The following PLEKHA3 variants were observed in gnomAD, a reference collection of about 807,000 sequenced individuals.
PLEKHA3 encodes pleckstrin homology domain-containing family A member 3.
In PLEKHA3, 19 loss-of-function variants were observed where a neutral mutation model predicts 39.2. The ratio of observed to expected loss-of-function variants is 0.48; its 90% CI spans 0.34 to 0.71. The LOEUF is 0.71. Among genes scored for constraint, PLEKHA3 ranks in the 30% least tolerant of loss-of-function variants. The probability of loss-of-function intolerance (pLI) is 0.01; values close to 1 mark genes in which losing one functional copy is unlikely to be tolerated. For synonymous variants in PLEKHA3, 97 were observed against 118.6 expected (o/e 0.82, Z 1.18); for missense variants, 253 against 359.5 (o/e 0.70, Z 2.40).
In PLEKHA3 at chr2:178,510,371, A is replaced by AT. The variant is rs1236525289; in HGVS notation, c.*6484_*6485insT. 2.0e-5 allele frequency: 3 copies of AT among 153,794 alleles called. No homozygotes were observed. Among genetic ancestry groups the AT allele is most frequent in the Non-Finnish European group, 2.9e-5 (2 of 68,046 alleles). 9.5% of individuals were successfully genotyped at this position (153,794 alleles called of 1,614,324 possible). On this transcript the variant is annotated 3_prime_UTR_variant, in exon 8 of 8. Coordinates refer to ENST00000234453, the MANE Select transcript of PLEKHA3 (RefSeq NM_019091.4). Reference sequence around the variant, plus strand: ...TTATCATATAAATATGAAGTATAGGAGATAAGATAATGCAGATGATGTTTG... The same window carrying AT: ...TTATCATATAAATATGAAGTATAGGATGATAAGATAATGCAGATGATGTTTG...
At chr2:178,495,448 C>G in intron 4 of PLEKHA3, 48 bp from the exon 5 acceptor site, 1 of 1,559,466 alleles carries the variant, frequency 6.4e-7, no homozygotes, top group South Asian at 1.1e-5. Flanking sequence ...GTATATGATT[C>G]CATGTAGTTG....
chr2:178,491,952 A>G (rs925428781), intron 3 of PLEKHA3, among the ~76,000 whole-genome samples: 1 of 152,150 alleles, frequency 6.6e-6, no homozygotes, highest in Non-Finnish European at 1.5e-5. Flanking sequence ...TCTAGTCCCA[A>G]GAGGTTGAGA....
chr2:178,485,898 C>T (rs1385997054), intron 2 of PLEKHA3, 141 bp downstream of exon 2: 12 of 576,238 alleles, frequency 2.1e-5, no homozygotes, highest in Non-Finnish European at 9.3e-6. Flanking sequence ...TCAGGAGTGG[C>T]ATTTCATCAC....
At chr2:178,501,025 G>A (rs1685521917) in intron 6 of PLEKHA3, 36 bp from the exon 7 acceptor site, 1 of 1,334,876 alleles carries the variant, frequency 7.5e-7, no homozygotes, top group Non-Finnish European at 1.1e-6. Context: ...GTTTATGTAA[G>A]GCCTTACAAT....
chr2:178,506,203 C>G lies in PLEKHA3; in HGVS notation c.*2316C>G, dbSNP rs1185100146. ...AGTTATTAGTAGTCCCTTTTTTTTGCTTTGTCTAGGTCATGGGGTTATTGA... is the reference window on the plus strand; with the variant it reads ...AGTTATTAGTAGTCCCTTTTTTTTGGTTTGTCTAGGTCATGGGGTTATTGA... On this transcript the variant is annotated 3_prime_UTR_variant, in exon 8 of 8. Coordinates refer to ENST00000234453, the MANE Select transcript of PLEKHA3 (RefSeq NM_019091.4). 1 of 151,004 alleles carries G rather than the reference C, an allele frequency of 6.6e-6. No individual in the cohort carries two copies. The highest frequency in any genetic ancestry group is 1.9e-4 in the East Asian group (1 of 5,156). 9.4% of individuals were successfully genotyped at this position (151,004 alleles called of 1,614,324 possible). A position where few individuals can be genotyped will look rare whatever the true frequency, so the allele number is the denominator to read the frequency against.
At chr2:178,502,640 T>G (rs1685542253) in intron 7 of PLEKHA3, among the ~76,000 whole-genome samples, 1 of 151,844 alleles carries the variant, frequency 6.6e-6, no homozygotes, top group Non-Finnish European at 1.5e-5. Flanking sequence ...AAATAATTTT[T>G]TTAAAGCCAT....
rs1208744475 is a variant in PLEKHA3, at chr2:178,506,844, GGGTAAATGAATGGTA to G, written c.*2962_*2976del. The G allele has an allele frequency of 6.6e-6, 1 of 152,044 alleles. No individual in the cohort carries two copies. The allele number at this position is 152,044 out of a possible 1,614,324, so 9.4% of individuals were successfully genotyped here. A position where few individuals can be genotyped will look rare whatever the true frequency, so the allele number is the denominator to read the frequency against. ...AGGTCTGTCTTTTAATAACCCTGGC[GGGTAAATGAATGGTA>G]GGTAGCTGGTAGGTAGGCCTTCTTG... On this transcript the variant is annotated 3_prime_UTR_variant, in exon 8 of 8. Transcript: ENST00000234453.
In PLEKHA3 at chr2:178,501,138, C is replaced by T. The variant is rs1685524103; in HGVS notation, c.737C>T (p.Thr246Ile). The T allele has an allele frequency of 6.2e-7, 1 of 1,613,258 alleles. No homozygotes were observed. The highest frequency in any genetic ancestry group is 1.1e-5 in the South Asian group (1 of 91,048). ...SQRRRRTYSDTDSCSDIPLED... is the reference protein window; with the variant it reads ...SQRRRRTYSDIDSCSDIPLED... ...CGACGCCGAAGAACCTACTCAGATA[C>T]AGATTCTTGTAGTGATATTCCTCTT... The change falls in exon 7 of 8, where the codon ACA (threonine) becomes ATA (isoleucine). Residue 246 changes from threonine to isoleucine, a missense_variant. Coordinates refer to ENST00000234453, the MANE Select transcript of PLEKHA3 (RefSeq NM_019091.4).
intron 3 of PLEKHA3, among the ~76,000 whole-genome samples, chr2:178,491,621 TTA>T (rs1685348617): frequency 6.6e-6 from 1 of 152,232 alleles, no homozygotes; most frequent in South Asian, 2.1e-4. Context: ...AGCAAATGAT[TTA>T]TGTTATTAGT....
At position 178,509,127 on chromosome 2, in the gene PLEKHA3, T is replaced by TTGTCGTC. The variant is rs1685645208; in HGVS notation, c.*5244_*5250dup. On this transcript the variant is annotated 3_prime_UTR_variant, in exon 8 of 8. Transcript: ENST00000234453. ...TAAACTTTGTTAAAATCTCATGGCT[T>TTGTCGTC]TGTCGTCTGTGCTTTTTTGTGGATT... 6.5e-6 allele frequency: 1 copy of TTGTCGTC among 153,090 alleles called. No homozygotes were observed. Among genetic ancestry groups the TTGTCGTC allele is most frequent in the Admixed American group, 6.5e-5 (1 of 15,300 alleles). The allele number at this position is 153,090 out of a possible 1,614,324, so 9.5% of individuals were successfully genotyped here. A position where few individuals can be genotyped will look rare whatever the true frequency, so the allele number is the denominator to read the frequency against.
intron 1 of PLEKHA3, chr2:178,481,842 TG>T (rs5836653): frequency 0.25 from 29,974 of 118,652 alleles, 3,832 homozygotes; most frequent in East Asian, 0.61. Context: ...ACAGATTTTT[TG>T]GGGGGGGGGG....
chr2:178,494,405 C>G (rs1445706565), intron 4 of PLEKHA3, among the ~76,000 whole-genome samples: 1 of 152,184 alleles, frequency 6.6e-6, no homozygotes, highest in Non-Finnish European at 1.5e-5. Flanking sequence ...CTTCTCAGAA[C>G]AGTGACTTAG....
rs1685763996 is a variant in PLEKHA3 at position 178,516,333 on chromosome 2, C to T, written c.*12446C>T. On this transcript the variant is annotated 3_prime_UTR_variant, in exon 8 of 8. Transcript: ENST00000234453. ...AACTTCATTTAAAAATATATGTATA[C>T]TTATTTTGTGAGTATTTTTTTCTTT... is the stretch of plus-strand genomic sequence containing the variant. 6.6e-6 allele frequency: 1 copy of T among 151,950 alleles called. No homozygotes were observed. The highest frequency in any genetic ancestry group is 2.4e-5 in the African/African-American group (1 of 41,370). The allele number at this position is 151,950 out of a possible 1,614,324, so 9.4% of individuals were successfully genotyped here.
intron 1 of PLEKHA3, among the ~76,000 whole-genome samples, chr2:178,484,777 C>T (rs532932573): frequency 7.2e-5 from 11 of 152,258 alleles, no homozygotes; most frequent in African/African-American, 1.9e-4. Context: ...GATAAGACTC[C>T]GGGGAACACC....
At chr2:178,480,972 G>C in intron 1 of PLEKHA3, 63 bp downstream of exon 1, 1 of 1,281,540 alleles carries the variant, frequency 7.8e-7, no homozygotes, top group Non-Finnish European at 1.0e-6. Context: ...AAGGCGGGTC[G>C]GGGCTCCTCT....
At position 178,514,446 on chromosome 2, in the gene PLEKHA3, C is replaced by T. The variant is rs189064789; in HGVS notation, c.*10559C>T. On this transcript the variant is annotated 3_prime_UTR_variant, in exon 8 of 8. Transcript: ENST00000234453. Reference sequence around the variant, plus strand: ...TTTACTCACAATAAGCAAAGTTGAACAACTTAAAATTGATTCCCTGTTTTC... The same window carrying T: ...TTTACTCACAATAAGCAAAGTTGAATAACTTAAAATTGATTCCCTGTTTTC... 3.3e-5 allele frequency: 5 copies of T among 151,390 alleles called. No homozygotes were observed. The highest frequency in any genetic ancestry group is 9.6e-5 in the African/African-American group (4 of 41,464). 9.4% of individuals were successfully genotyped at this position (151,390 alleles called of 1,614,324 possible).
In PLEKHA3 at chr2:178,480,541, G is replaced by A. The variant is rs372642820; in HGVS notation, c.-329G>A. ...GGAAGGCAGGCGAGGAAGAGGCAGC[G>A]CCGGGGCGCCGGAGGGAGCAGCCGG... On this transcript the variant is annotated 5_prime_UTR_variant, in exon 1 of 8. Coordinates refer to ENST00000234453, the MANE Select transcript of PLEKHA3 (RefSeq NM_019091.4). The A allele has an allele frequency of 9.5e-5, 20 of 209,708 alleles. No homozygotes were observed. The East Asian group carries it at 1.4e-3, about 15-fold the overall frequency. 13.0% of individuals were successfully genotyped at this position (209,708 alleles called of 1,614,324 possible).
intron 3 of PLEKHA3, 83 bp from the exon 4 acceptor site, chr2:178,493,770 C>CT: frequency 7.9e-7 from 1 of 1,273,672 alleles, no homozygotes; most frequent in Non-Finnish European, 1.1e-6. Context: ...ATATTCATTG[C>CT]TTTTTTAAAT....
intron 2 of PLEKHA3, among the ~76,000 whole-genome samples, chr2:178,487,425 T>C (rs1292780101): frequency 7.2e-6 from 1 of 139,338 alleles, no homozygotes; most frequent in African/African-American, 2.6e-5. Context: ...TTTTTTCTTT[T>C]TTTTCTTTTC....
Sources: gnomAD v4.1 joint callset for allele counts (sites outside exome capture counted in the v4.1 genomes callset) on GRCh38, gnomAD v4.1.1 for gene constraint, MANE v1.5 for transcripts, NCBI Gene and HGNC (gene_info 2026-07-23, HGNC 2026-07-21) for gene names.